ARHGEF3: variants seen among roughly 807,000 people sequenced by gnomAD.
ARHGEF3 encodes the protein Rho guanine nucleotide exchange factor 3.
Under a neutral mutation model 63.2 loss-of-function variants are expected in ARHGEF3, and 28 were observed. That is an observed-to-expected ratio of 0.44 (90% CI 0.33 to 0.61). The LOEUF (loss-of-function observed/expected upper bound fraction) is 0.61, where lower values mean the gene tolerates loss of function less well. ARHGEF3 is among the 20% of genes least tolerant of loss of function. The pLI is 0.03. For missense variants in ARHGEF3, 533 were observed against 659.3 expected (o/e 0.81, Z 2.10); for synonymous variants, 266 against 254.2 (o/e 1.05, Z -0.44).
At chr3:56,775,683 G>A in intron 1 of ARHGEF3, 1 of 985,832 alleles carries the variant, frequency 1.0e-6, no homozygotes, top group Non-Finnish European at 1.2e-6. Flanking sequence ...CCTTCAGGAT[G>A]CTCCCTGTCC....
chr3:56,820,450 C>T (rs2108034958), intron 4 of ARHGEF3, among the ~76,000 whole-genome samples: 1 of 152,162 alleles, frequency 6.6e-6, no homozygotes, highest in African/African-American at 2.4e-5. Context: ...CTGGTTTCCT[C>T]AGCAAGAGGG....
rs1238674391 is a variant in ARHGEF3, at chr3:56,968,233, T to A, written c.63-9344A>T. 2.7e-3 allele frequency among the ~76,000 whole-genome samples: 100 copies of A among 37,170 alleles called. 5 individuals are homozygous for A. The highest frequency in any genetic ancestry group is 7.4e-3 in the African/African-American group (84 of 11,296). The allele number at this position is 37,170 out of a possible 152,430, so 24.4% of individuals were successfully genotyped here. A position where few individuals can be genotyped will look rare whatever the true frequency, so the allele number is the denominator to read the frequency against. ...ATATATATTATATATAATATATATA[T>A]AAATATATATATTAATATATAATAT... On this transcript the variant is annotated intron_variant, in intron 2 of 12. Transcript: ENST00000338458.
In ARHGEF3 at chr3:56,866,645, T is replaced by C. The variant is rs576844137; in HGVS notation, c.192+15647A>G. Among the ~76,000 whole-genome samples, 6 of 152,366 alleles carry C rather than the reference T, an allele frequency of 3.9e-5. No homozygotes were observed. In the East Asian group the frequency reaches 1.2e-3, roughly 29 times the overall value. On this transcript the variant is annotated intron_variant, in intron 4 of 12. Coordinates refer to the ARHGEF3 transcript ENST00000338458. Reference sequence around the variant, plus strand: ...GAGTGAGATATAAAAGATGTACTGGTACTCTGTCATTTCTATATCATCTAG... The same window carrying C: ...GAGTGAGATATAAAAGATGTACTGGCACTCTGTCATTTCTATATCATCTAG...
At chr3:56,937,551 C>A (rs970134739) in intron 3 of ARHGEF3, among the ~76,000 whole-genome samples, 1 of 152,116 alleles carries the variant, frequency 6.6e-6, no homozygotes, top group African/African-American at 2.4e-5. Context: ...AAATAGCGCA[C>A]AATAAATAAG....
intron 2 of ARHGEF3, among the ~76,000 whole-genome samples, chr3:56,765,840 A>G (rs1436467497): frequency 6.6e-6 from 1 of 152,160 alleles, no homozygotes; most frequent in Non-Finnish European, 1.5e-5. Flanking sequence ...ATATTAAAAA[A>G]TTCAAGTATA....
rs189353942 is a variant in ARHGEF3, at chr3:57,062,487, C to T, written c.-28+16739G>A. ...GGGGGTGCTCAGGAGCATGGGGAAG[C>T]CTTTCAGAGAAGAGGGAAGGAAGCA... On this transcript the variant is annotated intron_variant, in intron 1 of 12. Coordinates refer to the ARHGEF3 transcript ENST00000338458. Among the ~76,000 whole-genome samples, 162 of 152,258 alleles carry T rather than the reference C, an allele frequency of 1.1e-3. 2 individuals are homozygous for T. The highest frequency in any genetic ancestry group is 2.0e-3 in the Non-Finnish European group (139 of 68,024).
intron 1 of ARHGEF3, chr3:57,079,086 C>T (rs1192778907): frequency 6.3e-6 from 2 of 317,212 alleles, no homozygotes; most frequent in Non-Finnish European, 1.2e-5. Flanking sequence ...GGGTCCAGCT[C>T]GGGGACCAGG....
intron 2 of ARHGEF3, among the ~76,000 whole-genome samples, chr3:56,999,750 T>C (rs931868272): frequency 3.9e-5 from 6 of 152,140 alleles, no homozygotes; most frequent in Admixed American, 6.5e-5. Flanking sequence ...TGAGCTATGA[T>C]TGCACAACTA....
At chr3:56,757,455 C>CA (rs1286670433) in intron 2 of ARHGEF3, among the ~76,000 whole-genome samples, 2 of 150,868 alleles carry the variant, frequency 1.3e-5, no homozygotes, top group Non-Finnish European at 1.5e-5. Flanking sequence ...GTCTGGGCGA[C>CA]AAGAGTGAGA....
At chr3:56,748,927 C>G (rs1331857349) in intron 6 of ARHGEF3, among the ~76,000 whole-genome samples, 1 of 151,192 alleles carries the variant, frequency 6.6e-6, no homozygotes, top group South Asian at 2.1e-4. Flanking sequence ...CCCCCACCCC[C>G]CTTTTTTCCT....
At chr3:56,941,207 C>T (rs1397647038) in intron 3 of ARHGEF3, among the ~76,000 whole-genome samples, 1 of 152,188 alleles carries the variant, frequency 6.6e-6, no homozygotes, top group Admixed American at 6.5e-5. Flanking sequence ...GGCTTAGCCA[C>T]AGCACATGTT....
chr3:56,913,598 C>T (rs183255883), intron 3 of ARHGEF3, among the ~76,000 whole-genome samples: 5 of 152,232 alleles, frequency 3.3e-5, no homozygotes, highest in African/African-American at 7.2e-5. Flanking sequence ...AACAGTATGG[C>T]GGTTACTCAA....
chr3:56,945,877 C>A (rs943565153), intron 3 of ARHGEF3, among the ~76,000 whole-genome samples: 2 of 152,212 alleles, frequency 1.3e-5, no homozygotes, highest in Admixed American at 1.3e-4. Context: ...GAGGCACCCC[C>A]CAGTACGGGC....
intron 4 of ARHGEF3, among the ~76,000 whole-genome samples, chr3:56,843,345 T>C (rs2039377930): frequency 1.3e-5 from 2 of 152,150 alleles, no homozygotes; most frequent in African/African-American, 4.8e-5. Flanking sequence ...CTGCAACCTC[T>C]GCATCCTGGG....
At chr3:56,736,272 T>C (rs181117766) in intron 8 of ARHGEF3, among the ~76,000 whole-genome samples, 2 of 152,338 alleles carry the variant, frequency 1.3e-5, no homozygotes, top group African/African-American at 4.8e-5. Flanking sequence ...TAATGGAATA[T>C]ACTGACAGAC....
upstream of ARHGEF3, among the ~76,000 whole-genome samples, chr3:56,802,694 A>C (rs17057328): frequency 0.09 from 13,735 of 152,160 alleles, 1,029 homozygotes; most frequent in African/African-American, 0.2. Context: ...TCAAGTATAA[A>C]GCTGTGCATG....
intron 3 of ARHGEF3, among the ~76,000 whole-genome samples, chr3:56,926,895 C>G (rs988027589): frequency 1.8e-4 from 28 of 152,300 alleles, no homozygotes; most frequent in African/African-American, 6.7e-4. Flanking sequence ...CCAGAATGAC[C>G]CTTTGAGGCT....
chr3:56,787,510 G>A (rs1342618433), intron 1 of ARHGEF3, among the ~76,000 whole-genome samples: 2 of 152,068 alleles, frequency 1.3e-5, no homozygotes, highest in African/African-American at 4.8e-5. Flanking sequence ...GAGCCATGGA[G>A]TCACAAACGC....
chr3:56,854,143 C>A (rs912949515), intron 4 of ARHGEF3, among the ~76,000 whole-genome samples: 1 of 151,892 alleles, frequency 6.6e-6, no homozygotes, highest in African/African-American at 2.4e-5. Flanking sequence ...TACAGTGAGC[C>A]GAGATGGCGC....
Sources: gnomAD v4.1 joint callset for allele counts (sites outside exome capture counted in the v4.1 genomes callset) on GRCh38, gnomAD v4.1.1 for gene constraint, MANE v1.5 for transcripts, NCBI Gene and HGNC (gene_info 2026-07-23, HGNC 2026-07-21) for gene names.